Variants in CCSER1 observed in about 807,000 individuals in gnomAD.
The protein encoded by CCSER1 is coiled-coil serine rich protein 1.
CCSER1 carries 41 observed loss-of-function variants against 82.0 expected under a neutral mutation model. The observed-to-expected ratio is 0.50, with a 90% confidence interval of 0.39 to 0.65. The LOEUF (loss-of-function observed/expected upper bound fraction) is 0.65, where lower values mean the gene tolerates loss of function less well. CCSER1 is among the 30% of genes least tolerant of loss of function. CCSER1 has a pLI of 0.00. For missense variants in CCSER1, 1,119 were observed against 1,064.2 expected, an observed-to-expected ratio of 1.05 and a Z score of -0.72; for synonymous variants, 414 against 383.9, an observed-to-expected ratio of 1.08 and a Z score of -0.92.
intron 10 of CCSER1, chr4:91,319,622 A>G: frequency 2.2e-6 from 1 of 454,676 alleles, no homozygotes; most frequent in Non-Finnish European, 4.4e-6. Context: ...GCAGTTTTTG[A>G]CATATTAAAA....
intron 8 of CCSER1, among the ~76,000 whole-genome samples, chr4:90,858,048 A>T (rs1764661721): frequency 6.6e-6 from 1 of 152,096 alleles, no homozygotes; most frequent in South Asian, 2.1e-4. Context: ...AAAAGAACAG[A>T]TAGCCATTTC....
rs546454257 is a variant in CCSER1, at chr4:91,301,929, A to T, written c.2217+215935A>T. Among the ~76,000 whole-genome samples the T allele has an allele frequency of 4.6e-5, 7 of 151,964 alleles. No homozygotes were observed. The South Asian group carries it at 8.3e-4, about 18-fold the overall frequency. ...TTCTTGGAGCTGGATTCAATTACTC[A>T]GTTACTCTATGTCCTTCCTTCCTTT... On this transcript the variant is annotated intron_variant, in intron 10 of 10. Coordinates refer to ENST00000509176, the MANE Select transcript of CCSER1 (RefSeq NM_001145065.2).
At position 91,214,746 on chromosome 4, in the gene CCSER1, C is replaced by T. The variant is rs901799586; in HGVS notation, c.2217+128752C>T. 2.6e-5 allele frequency among the ~76,000 whole-genome samples: 4 copies of T among 152,116 alleles called. No individual in the cohort carries two copies. The South Asian group carries it at 6.2e-4, about 24-fold the overall frequency. On this transcript the variant is annotated intron_variant, in intron 10 of 10. Coordinates refer to ENST00000509176, the MANE Select transcript of CCSER1 (RefSeq NM_001145065.2). ...TTTAAAAGAAAATGAGACATTTCTTCACCTACCACTTGCTATAACAAGGGC... is the reference window on the plus strand; with the variant it reads ...TTTAAAAGAAAATGAGACATTTCTTTACCTACCACTTGCTATAACAAGGGC...
At chr4:90,226,119 C>G (rs1375456838) in intron 1 of CCSER1, among the ~76,000 whole-genome samples, 1 of 152,152 alleles carries the variant, frequency 6.6e-6, no homozygotes, top group Non-Finnish European at 1.5e-5. Flanking sequence ...AGCTGAATCA[C>G]CAGGTGTGTG....
In CCSER1 at chr4:91,558,335, C is replaced by T. The variant is rs899457657; in HGVS notation, c.2218-40237C>T. 4.0e-4 allele frequency among the ~76,000 whole-genome samples: 61 copies of T among 151,496 alleles called. 1 individual carries two copies. Among genetic ancestry groups the T allele is most frequent in the Admixed American group, 3.6e-3 (55 of 15,118 alleles). On this transcript the variant is annotated intron_variant, in intron 10 of 10. Transcript: ENST00000509176. ...AAATGTACTTCCTCAACATAGCTAG[C>T]GTATTGTTTTTTGATAATTATTAAG...
intron 4 of CCSER1, among the ~76,000 whole-genome samples, chr4:90,467,068 A>T (rs1322854180): frequency 2.6e-5 from 4 of 152,150 alleles, no homozygotes; most frequent in African/African-American, 7.2e-5. Flanking sequence ...ATAATCACAC[A>T]TTGAATGAAA....
At chr4:91,461,172 T>C (rs892595022) in intron 10 of CCSER1, among the ~76,000 whole-genome samples, 2 of 152,214 alleles carry the variant, frequency 1.3e-5, no homozygotes, top group African/African-American at 4.8e-5. Context: ...AGCCAGTCTA[T>C]GGCTAAAACA....
In CCSER1 at chr4:90,732,941, C is replaced by A. The variant is rs139245490; in HGVS notation, c.2010+8950C>A. Among the ~76,000 whole-genome samples, 249 of 152,230 alleles carry A rather than the reference C, an allele frequency of 1.6e-3. 1 individual carries two copies. The highest frequency in any genetic ancestry group is 5.8e-3 in the African/African-American group (242 of 41,542). ...TAATCCATTCATCTGTTGATAGTCA[C>A]TTGGATTATTTGCAAATCTTGACTG... On this transcript the variant is annotated intron_variant, in intron 7 of 10. Coordinates refer to ENST00000509176, the MANE Select transcript of CCSER1 (RefSeq NM_001145065.2).
intron 3 of CCSER1, among the ~76,000 whole-genome samples, chr4:90,340,137 A>C (rs1035765710): frequency 4.6e-5 from 7 of 152,160 alleles, no homozygotes; most frequent in Non-Finnish European, 7.4e-5. Context: ...TGCCGTTGGA[A>C]TAGGACCTTG....
In CCSER1 at chr4:91,603,341, T is replaced by G. The variant is rs1311076720; in HGVS notation, c.*4284T>G. On this transcript the variant is annotated 3_prime_UTR_variant, in exon 11 of 11. Transcript: ENST00000509176. ...CATGAACTATTTATTTACAATACAT[T>G]TGATCTCGTTAAGACCCCAGTTCTA... 6.6e-6 allele frequency: 1 copy of G among 152,108 alleles called. No individual in the cohort carries two copies. The highest frequency in any genetic ancestry group is 6.6e-5 in the Admixed American group (1 of 15,246). The allele number at this position is 152,108 out of a possible 1,614,324, so 9.4% of individuals were successfully genotyped here. A position where few individuals can be genotyped will look rare whatever the true frequency, so the allele number is the denominator to read the frequency against.
At chr4:91,467,388 C>T (rs973378297) in intron 10 of CCSER1, among the ~76,000 whole-genome samples, 1 of 152,098 alleles carries the variant, frequency 6.6e-6, no homozygotes, top group East Asian at 1.9e-4. Flanking sequence ...GACCTAAAAC[C>T]ATAAAAACTC....
At chr4:90,781,182 G>A in intron 7 of CCSER1, 1 of 795,548 alleles carries the variant, frequency 1.3e-6, no homozygotes, top group Non-Finnish European at 1.5e-6. Flanking sequence ...CAGCACTGGG[G>A]ATCACAACTC....
intron 5 of CCSER1, among the ~76,000 whole-genome samples, chr4:90,568,948 A>G (rs993308758): frequency 2.0e-5 from 3 of 151,752 alleles, no homozygotes; most frequent in Non-Finnish European, 4.4e-5. Context: ...TTATATTTGT[A>G]GTAGAGACAG....
chr4:90,537,514 T>C (rs1775563088), intron 5 of CCSER1, among the ~76,000 whole-genome samples: 1 of 152,186 alleles, frequency 6.6e-6, no homozygotes, highest in African/African-American at 2.4e-5. Context: ...CTTTTGTTTG[T>C]AAATTTTGAA....
chr4:90,526,249 G>C (rs1773742267), intron 5 of CCSER1, among the ~76,000 whole-genome samples: 2 of 151,798 alleles, frequency 1.3e-5, no homozygotes, highest in African/African-American at 2.4e-5. Context: ...CAAAAATATT[G>C]ACCACCTAAA....
At chr4:90,478,602 A>T (rs192152593) in intron 5 of CCSER1, among the ~76,000 whole-genome samples, 1 of 152,268 alleles carries the variant, frequency 6.6e-6, no homozygotes, top group East Asian at 1.9e-4. Flanking sequence ...TATCCATTTA[A>T]TCTTCCCAAC....
At chr4:91,046,364 T>TTTCTATGGCTTCATAATAC (rs900713628) in intron 9 of CCSER1, among the ~76,000 whole-genome samples, 1 of 62,784 alleles carries the variant, frequency 1.6e-5, no homozygotes, top group Non-Finnish European at 4.6e-5. Flanking sequence ...TTCTTACACT[T>TTTCTATGGCTTCATAATAC]TTCTATGGCT....
chr4:90,804,908 A>T (rs1757308739), intron 7 of CCSER1, among the ~76,000 whole-genome samples: 2 of 152,220 alleles, frequency 1.3e-5, no homozygotes, highest in Non-Finnish European at 2.9e-5. Context: ...AGTAGGTTAT[A>T]TCATAAGAAC....
intron 8 of CCSER1, among the ~76,000 whole-genome samples, chr4:90,894,660 T>C (rs1723441291): frequency 6.6e-6 from 1 of 151,880 alleles, no homozygotes; most frequent in Non-Finnish European, 1.5e-5. Context: ...ATTTCTTTCC[T>C]CCTCCTTCCT....
Sources: allele counts gnomAD v4.1 joint callset (sites outside exome capture counted in the v4.1 genomes callset), GRCh38; gene constraint gnomAD v4.1.1; transcripts MANE v1.5; gene names NCBI Gene and HGNC (gene_info 2026-07-23, HGNC 2026-07-21).